KLF3: variants seen among roughly 807,000 people sequenced by gnomAD.
KLF3 encodes the protein KLF transcription factor 3, also known as Krueppel-like factor 3.
A neutral mutation model predicts 32.7 loss-of-function variants in KLF3; 6 were observed. The observed-to-expected ratio is 0.18, with a 90% confidence interval of 0.10 to 0.36. KLF3 has a LOEUF of 0.36. Ranked by LOEUF, KLF3 falls within the 10% of genes least tolerant of loss-of-function variation. The pLI, the probability that KLF3 is intolerant of heterozygous loss-of-function variation, is 1.00. For synonymous variants in KLF3, 145 were observed against 172.8 expected (o/e 0.84, Z 1.26); for missense variants, 338 against 449.7 (o/e 0.75, Z 2.25).
rs1383986563 is a variant in KLF3, at chr4:38,699,233, T to C, written c.*1970T>C. ...AAACATCCTAATTGGGCTGTTTTTT[T>C]GTTTTGTTTTGTTTTTCAGCTAAAG... On this transcript the variant is annotated 3_prime_UTR_variant, in exon 6 of 6. Coordinates refer to ENST00000261438, the MANE Select transcript of KLF3 (RefSeq NM_016531.6). 1 of 151,348 alleles carries C rather than the reference T, an allele frequency of 6.6e-6. No homozygotes were observed. The highest frequency in any genetic ancestry group is 1.5e-5 in the Non-Finnish European group (1 of 68,012). The allele number at this position is 151,348 out of a possible 1,614,324, so 9.4% of individuals were successfully genotyped here. A position where few individuals can be genotyped will look rare whatever the true frequency, so the allele number is the denominator to read the frequency against.
At position 38,699,239 on chromosome 4, in the gene KLF3, GTT is replaced by G. The variant is rs1375101985; in HGVS notation, c.*1979_*1980del. The G allele has an allele frequency of 1.3e-5, 2 of 151,800 alleles. No individual in the cohort carries two copies. Among genetic ancestry groups the G allele is most frequent in the Non-Finnish European group, 2.9e-5 (2 of 67,918 alleles). The allele number at this position is 151,800 out of a possible 1,614,324, so 9.4% of individuals were successfully genotyped here. ...CCTAATTGGGCTGTTTTTTTGTTTT[GTT>G]TTGTTTTTCAGCTAAAGGCAAAGAT... On this transcript the variant is annotated 3_prime_UTR_variant, in exon 6 of 6. Transcript: ENST00000261438.
rs1009045906 is a variant in KLF3, at chr4:38,698,970, C to A, written c.*1707C>A. On this transcript the variant is annotated 3_prime_UTR_variant, in exon 6 of 6. Transcript: ENST00000261438. ...ATACATTGTTTGATCATTTTTAAAA[C>A]ATCTGTGAATGAGTGATTCCGGAGG... The A allele has an allele frequency of 1.3e-5, 2 of 152,216 alleles. No homozygotes were observed. The highest frequency in any genetic ancestry group is 2.9e-5 in the Non-Finnish European group (2 of 68,054). The allele number at this position is 152,216 out of a possible 1,614,324, so 9.4% of individuals were successfully genotyped here.
intron 2 of KLF3, among the ~76,000 whole-genome samples, chr4:38,686,936 C>G (rs995191390): frequency 6.6e-6 from 1 of 152,160 alleles, no homozygotes; most frequent in East Asian, 1.9e-4. Context: ...CATAACCAGC[C>G]GAGGATTCGC....
chr4:38,693,069 T>C (rs917709688), intron 4 of KLF3, among the ~76,000 whole-genome samples: 2 of 142,968 alleles, frequency 1.4e-5, no homozygotes, highest in African/African-American at 2.6e-5. Context: ...TATATATGTA[T>C]ATATATACAC....
chr4:38,696,076 A>G (rs1579134596), intron 5 of KLF3, among the ~76,000 whole-genome samples: 1 of 150,014 alleles, frequency 6.7e-6, no homozygotes, highest in Middle Eastern at 3.4e-3. Context: ...CAAATCGATG[A>G]TTACTGAGGG....
rs1323916572 is a variant in KLF3, at chr4:38,697,124, A to G, written c.899A>G (p.Lys300Arg). 6.2e-7 allele frequency: 1 copy of G among 1,613,936 alleles called. No homozygotes were observed. Among genetic ancestry groups the G allele is most frequent in the Non-Finnish European group, 8.5e-7 (1 of 1,179,904 alleles). Residue 300 changes from lysine to arginine, a missense_variant, in exon 6 of 6, where the codon AAG (lysine) becomes AGG (arginine). This residue lies in a region of KLF3 where 66 missense variants were observed against 136.2 expected (regional missense o/e 0.48). Coordinates refer to ENST00000261438, the MANE Select transcript of KLF3 (RefSeq NM_016531.6). The stretch of plus-strand genomic sequence containing the variant: ...TGTACATGGGAAGGGTGCACATGGA[A>G]GTTTGCTCGGTCTGATGAACTAACA... ...YKCTWEGCTW[K>R]FARSDELTRH... is the part of the protein sequence containing the mutation.
chr4:38,696,054 C>G (rs969909717), intron 5 of KLF3, among the ~76,000 whole-genome samples: 5 of 151,868 alleles, frequency 3.3e-5, no homozygotes, highest in Non-Finnish European at 7.4e-5. Context: ...GAGCAACGCC[C>G]AAACAGCAGT....
intron 1 of KLF3, among the ~76,000 whole-genome samples, chr4:38,676,460 A>G (rs1185159350): frequency 5.3e-5 from 8 of 152,154 alleles, no homozygotes; most frequent in Non-Finnish European, 1.2e-4. Context: ...ATACATATAA[A>G]TAATAAACTT....
intron 1 of KLF3, among the ~76,000 whole-genome samples, chr4:38,675,774 T>C (rs1722328271): frequency 6.6e-6 from 1 of 152,198 alleles, no homozygotes; most frequent in Non-Finnish European, 1.5e-5. Context: ...TTCTAAGCAT[T>C]TGTGGTTTAC....
rs1346794802 is a variant in KLF3, at chr4:38,697,301, ACCTGGCTCTCTCTCTGT to A, written c.*43_*59del. ...CCTGCCTCAGCGTGACTCCCCACTC[ACCTGGCTCTCTCTCTGT>A]CCTGCCTCCCATTATCTAACACATT... On this transcript the variant is annotated 3_prime_UTR_variant, in exon 6 of 6. Coordinates refer to ENST00000261438, the MANE Select transcript of KLF3 (RefSeq NM_016531.6). 2.6e-6 allele frequency: 4 copies of A among 1,538,246 alleles called. No homozygotes were observed. The East Asian group carries it at 9.2e-5, about 35-fold the overall frequency.
rs751450178 is a variant in KLF3 at position 38,688,937 on chromosome 4, G to A, written c.410G>A (p.Arg137Gln). 1.5e-5 allele frequency: 24 copies of A among 1,614,122 alleles called. No individual in the cohort carries two copies. Among genetic ancestry groups the A allele is most frequent in the African/African-American group, 2.7e-5 (2 of 74,936 alleles). Residue 137 changes from arginine to glutamine, a missense_variant, in exon 3 of 6, where the codon CGG (arginine) becomes CAG (glutamine). This residue lies in a region of KLF3 where 272 missense variants were observed against 313.4 expected (regional missense o/e 0.87). Coordinates refer to ENST00000261438, the MANE Select transcript of KLF3 (RefSeq NM_016531.6). This position sits in a 1 kb window ranked among gnomAD's most constrained non-coding sequence, Gnocchi z 4.9. ...MAAALSRHGIRSPGILPVIQP... is the reference protein window; with the variant it reads ...MAAALSRHGIQSPGILPVIQP... ...GCTGCCCTCTCGCGGCATGGAATAC[G>A]GAGCCCGGGGATCCTGCCCGTCATC...
chr4:38,672,755 C>T (rs943219588), intron 1 of KLF3, among the ~76,000 whole-genome samples: 3 of 152,030 alleles, frequency 2.0e-5, no homozygotes, highest in Admixed American at 1.3e-4. Context: ...CTGTGAAAAA[C>T]GTGGGTGGCA....
In KLF3 at chr4:38,688,969, G is replaced by A; in HGVS notation, c.442G>A (p.Val148Met). 1.2e-6 allele frequency: 2 copies of A among 1,614,252 alleles called. No individual in the cohort carries two copies. The highest frequency in any genetic ancestry group is 8.5e-7 in the Non-Finnish European group (1 of 1,180,050). ...SPGILPVIQP[V>M]VVQPVPFMYT... is the part of the protein sequence containing the mutation. ...GGGGATCCTGCCCGTCATCCAGCCG[G>A]TGGTGGTGCAGCCCGTCCCCTTTAT... The change falls in exon 3 of 6, where the codon GTG becomes ATG. Residue 148 changes from valine (V) to methionine (M), a missense_variant. Val to Met is a conservative substitution (Grantham distance 21, BLOSUM62 1). Transcript: ENST00000261438. The surrounding 1 kb of genome is among the most constrained non-coding windows in gnomAD (Gnocchi z 4.9).
At chr4:38,694,686 G>C (rs200176229) in intron 4 of KLF3, 60 bp from the exon 5 acceptor site, 1,869 of 1,408,792 alleles carry the variant, frequency 1.3e-3, no homozygotes, top group Middle Eastern at 2.6e-3. Flanking sequence ...GCTTTTAGTA[G>C]ACTGATGAAA....
intron 4 of KLF3, among the ~76,000 whole-genome samples, chr4:38,693,717 A>G (rs1209797855): frequency 1.3e-5 from 2 of 152,206 alleles, no homozygotes; most frequent in Non-Finnish European, 2.9e-5. Flanking sequence ...AATGACATAC[A>G]CTTGTGATAT....
chr4:38,693,118 A>ATATATATATATACGTGTATATATATGTG (rs1722931791), intron 4 of KLF3, among the ~76,000 whole-genome samples: 8 of 7,198 alleles, frequency 1.1e-3, no homozygotes, highest in Non-Finnish European at 1.8e-3. Flanking sequence ...ATATATATAC[A>ATATATATATATACGTGTATATATATGTG]TATATATATA....
intron 4 of KLF3, chr4:38,690,181 T>C (rs187864225): frequency 6.0e-6 from 2 of 333,818 alleles, no homozygotes; most frequent in Admixed American, 9.1e-5. Flanking sequence ...CCAGGCTATG[T>C]ATACTTAGTT....
chr4:38,693,804 G>A (rs1467077493), intron 4 of KLF3, among the ~76,000 whole-genome samples: 1 of 152,208 alleles, frequency 6.6e-6, no homozygotes, highest in Non-Finnish European at 1.5e-5. Flanking sequence ...AGCAGGGGAA[G>A]CCTGAGGAAC....
chr4:38,697,302 C>T lies in KLF3; in HGVS notation c.*39C>T, dbSNP rs1231845933. The T allele has an allele frequency of 6.5e-7, 1 of 1,538,084 alleles. No individual in the cohort carries two copies. The highest frequency in any genetic ancestry group is 8.8e-7 in the Non-Finnish European group (1 of 1,133,608). ...CTGCCTCAGCGTGACTCCCCACTCA[C>T]CTGGCTCTCTCTCTGTCCTGCCTCC... On this transcript the variant is annotated 3_prime_UTR_variant, in exon 6 of 6. Transcript: ENST00000261438.
Sources: gnomAD v4.1 joint callset for allele counts (sites outside exome capture counted in the v4.1 genomes callset) on GRCh38, gnomAD v4.1.1 for gene constraint, gnomAD v4.1.1 regional missense constraint, Gnocchi (gnomAD v3.1) non-coding constraint, MANE v1.5 for transcripts, NCBI Gene and HGNC (gene_info 2026-07-23, HGNC 2026-07-21) for gene names.